ALK: variants seen among roughly 807,000 people sequenced by gnomAD.
The protein encoded by ALK is ALK tyrosine kinase receptor.
Under a neutral mutation model 163.1 loss-of-function variants are expected in ALK, and 74 were observed. The ratio of observed to expected loss-of-function variants is 0.45; its 90% CI spans 0.38 to 0.55. The LOEUF (loss-of-function observed/expected upper bound fraction) is 0.55. Among genes scored for constraint, ALK ranks in the 20% least tolerant of loss-of-function variants. ALK has a pLI of 0.00. For synonymous variants in ALK, 960 were observed against 843.2 expected (o/e 1.14, Z -2.40); for missense variants, 2,063 against 2,105.3 (o/e 0.98, Z 0.39).
At chr2:29,895,130 G>A (rs1304999003) in intron 1 of ALK, among the ~76,000 whole-genome samples, 1 of 152,136 alleles carries the variant, frequency 6.6e-6, no homozygotes, top group African/African-American at 2.4e-5. Context: ...TTTTATGCCT[G>A]GAGATAAGGC....
At chr2:29,389,218 C>T (rs1012150815) in intron 4 of ALK, among the ~76,000 whole-genome samples, 3 of 152,110 alleles carry the variant, frequency 2.0e-5, no homozygotes, top group African/African-American at 7.2e-5. Flanking sequence ...ACATAGGTAC[C>T]AAGATTTTTA....
chr2:29,899,253 G>A (rs1031608330), intron 1 of ALK, among the ~76,000 whole-genome samples: 1 of 152,200 alleles, frequency 6.6e-6, no homozygotes, highest in Admixed American at 6.5e-5. Flanking sequence ...GGCATCGTGT[G>A]AGGCAGCCCC....
intron 3 of ALK, among the ~76,000 whole-genome samples, chr2:29,655,602 C>T (rs2148257391): frequency 6.6e-6 from 1 of 152,264 alleles, no homozygotes; most frequent in South Asian, 2.1e-4. Context: ...GGCAAGATGA[C>T]AGTCCTCTGG....
intron 1 of ALK, among the ~76,000 whole-genome samples, chr2:29,779,910 T>C (rs1295041010): frequency 1.3e-5 from 2 of 152,216 alleles, no homozygotes; most frequent in African/African-American, 2.4e-5. Flanking sequence ...GGGACAATTA[T>C]AGGCAAAGGG....
chr2:29,468,276 C>G (rs1358032759), intron 4 of ALK, among the ~76,000 whole-genome samples: 1 of 152,160 alleles, frequency 6.6e-6, no homozygotes, highest in African/African-American at 2.4e-5. Flanking sequence ...ATCCACCCAC[C>G]TCGGCCTCCC....
chr2:29,209,202 G>A (rs1244502341), intron 25 of ALK, among the ~76,000 whole-genome samples: 8 of 152,130 alleles, frequency 5.3e-5, no homozygotes, highest in Admixed American at 5.2e-4. Context: ...CCATGTCTCA[G>A]AGCATGGCCA....
At chr2:29,464,745 G>C (rs1671167225) in intron 4 of ALK, among the ~76,000 whole-genome samples, 1 of 152,138 alleles carries the variant, frequency 6.6e-6, no homozygotes, top group Admixed American at 6.6e-5. Flanking sequence ...GGCATCCAAT[G>C]GGTACAGACA....
chr2:29,231,428 T>C (rs77113280), intron 15 of ALK, among the ~76,000 whole-genome samples: 98 of 152,346 alleles, frequency 6.4e-4, no homozygotes, highest in African/African-American at 2.3e-3. Context: ...GGTGAGCCCA[T>C]TGGCTCTCCT....
chr2:29,824,314 G>C (rs13417598), intron 1 of ALK, among the ~76,000 whole-genome samples: 228 of 152,316 alleles, frequency 1.5e-3, no homozygotes, highest in African/African-American at 5.4e-3. Context: ...AGAAATGTGG[G>C]GTTGGAGCCC....
Position 29,783,950 on chromosome 2 carries a change from A to C in ALK, c.668-66253T>G, listed in dbSNP as rs146412801. 3.3e-3 allele frequency among the ~76,000 whole-genome samples: 507 copies of C among 152,304 alleles called. 5 individuals are homozygous for C. The highest frequency in any genetic ancestry group is 0.011 in the African/African-American group (477 of 41,580). On this transcript the variant is annotated intron_variant, in intron 1 of 28. Transcript: ENST00000389048. ...CCCTGGGCATCAGTTGTCTCATCTC[A>C]CACATAGGAGCTAGAACTGAGAAAC...
intron 11 of ALK, among the ~76,000 whole-genome samples, chr2:29,253,857 TA>T (rs1406264909): frequency 3.7e-5 from 5 of 133,912 alleles, no homozygotes; most frequent in Non-Finnish European, 6.3e-5. Flanking sequence ...GATAGATAGA[TA>T]GATAGATAGA....
Position 29,414,083 on chromosome 2 carries a change from T to C in ALK, c.1155-30224A>G, listed in dbSNP as rs183684307. The stretch of plus-strand genomic sequence containing the variant: ...AGCATCATCACATACACATGAGCAA[T>C]GCATTGTGTTATGAGGTTAGGATGG... On this transcript the variant is annotated intron_variant, in intron 4 of 28. Coordinates refer to ENST00000389048, the MANE Select transcript of ALK (RefSeq NM_004304.5). Among the ~76,000 whole-genome samples the C allele has an allele frequency of 1.5e-3, 222 of 152,306 alleles. 1 individual carries two copies. The highest frequency in any genetic ancestry group is 2.4e-3 in the Non-Finnish European group (161 of 68,014).
At position 29,232,435 on chromosome 2, in the gene ALK, A is replaced by T. The variant is rs750849080; in HGVS notation, c.2501T>A (p.Val834Glu). ...GGCTGCAATGATCAGGGGCACCGGCACTCCATCCTTCATCTGACCAGGGGA... is the reference window on the plus strand; with the variant it reads ...GGCTGCAATGATCAGGGGCACCGGCTCTCCATCCTTCATCTGACCAGGGGA... ...ATYVFKMKDGVPVPLIIAAGG... is the reference protein window; with the variant it reads ...ATYVFKMKDGEPVPLIIAAGG... The change falls in exon 15 of 29, where the codon GTG (valine) becomes GAG (glutamate). Residue 834 changes from valine to glutamate, a missense_variant. Transcript: ENST00000389048. 18 of 1,614,046 alleles carry T rather than the reference A, an allele frequency of 1.1e-5. No homozygotes were observed. The South Asian group carries it at 1.8e-4, about 16-fold the overall frequency.
chr2:29,503,477 G>A (rs754719945), intron 4 of ALK, among the ~76,000 whole-genome samples: 43 of 152,186 alleles, frequency 2.8e-4, no homozygotes, highest in Non-Finnish European at 5.7e-4. Context: ...TCTCACAGAG[G>A]ATACAGATAT....
Position 29,209,874 on chromosome 2 carries a change from T to C in ALK, c.3748A>G (p.Ile1250Val), listed in dbSNP as rs763792752. ...GTCAAGAGGCAGTTTCTGGCAGCAA[T>C]GTCTCTGGGAAGAAAGGAAATGCAT... ...LEENHFIHRD[I>V]AARNCLLTCP... The change falls in exon 25 of 29, where the codon ATT (isoleucine) becomes GTT (valine). Residue 1250 changes from isoleucine to valine, a missense_variant. By Grantham distance (29) the Ile-to-Val change is conservative (BLOSUM62 3). This residue lies in a region of ALK where 83 missense variants were observed against 139.7 expected (regional missense o/e 0.59). Coordinates refer to ENST00000389048, the MANE Select transcript of ALK (RefSeq NM_004304.5). 3 of 1,613,958 alleles carry C rather than the reference T, an allele frequency of 1.9e-6. No homozygotes were observed. Among genetic ancestry groups the C allele is most frequent in the Non-Finnish European group, 2.5e-6 (3 of 1,179,850 alleles).
intron 8 of ALK, among the ~76,000 whole-genome samples, chr2:29,311,360 G>T (rs1007176983): frequency 2.2e-4 from 34 of 152,180 alleles, no homozygotes; most frequent in Admixed American, 1.2e-3. Flanking sequence ...CTCTTCCTCT[G>T]GGTTTCTTAG....
At chr2:29,712,630 G>T (rs770900887) in intron 2 of ALK, among the ~76,000 whole-genome samples, 4 of 149,190 alleles carry the variant, frequency 2.7e-5, no homozygotes, top group African/African-American at 4.9e-5. Context: ...TTTTTTTTTT[G>T]AGAGAGAGAT....
chr2:29,863,524 CT>C (rs1666349280), intron 1 of ALK, among the ~76,000 whole-genome samples: 1 of 151,952 alleles, frequency 6.6e-6, no homozygotes, highest in African/African-American at 2.4e-5. Flanking sequence ...TTTTTAAATG[CT>C]CACATCCACT....
chr2:29,305,313 AAGAG>A (rs990707021), intron 8 of ALK, among the ~76,000 whole-genome samples: 1 of 152,154 alleles, frequency 6.6e-6, no homozygotes, highest in Non-Finnish European at 1.5e-5. Flanking sequence ...GAGAGAGAAA[AAGAG>A]AGAGAGACCC....
Sources: gnomAD v4.1 joint callset for allele counts (sites outside exome capture counted in the v4.1 genomes callset) on GRCh38, gnomAD v4.1.1 for gene constraint, gnomAD v4.1.1 regional missense constraint, MANE v1.5 for transcripts, NCBI Gene and HGNC (gene_info 2026-07-23, HGNC 2026-07-21) for gene names.